GRIA4: variants seen among roughly 807,000 people sequenced by gnomAD.
GRIA4 encodes glutamate ionotropic receptor AMPA type subunit 4, also known as glutamate receptor 4.
GRIA4 carries 34 observed loss-of-function variants against 104.0 expected under a neutral mutation model. That is an observed-to-expected ratio of 0.33 (90% CI 0.25 to 0.44). The LOEUF is 0.44. Among genes scored for constraint, GRIA4 ranks in the 20% least tolerant of loss-of-function variants. The pLI is 1.00. For synonymous variants in GRIA4, 386 were observed against 381.9 expected (o/e 1.01, Z -0.13); for missense variants, 750 against 1,096.5 (o/e 0.68, Z 4.46).
At chr11:105,883,412 T>C (rs1286302557) in intron 5 of GRIA4, among the ~76,000 whole-genome samples, 2 of 151,504 alleles carry the variant, frequency 1.3e-5, no homozygotes, top group East Asian at 3.9e-4. Flanking sequence ...TAACTCCTAA[T>C]GCTATCCCTC....
intron 10 of GRIA4, chr11:105,912,210 C>A: frequency 1.0e-6 from 1 of 991,292 alleles, no homozygotes; most frequent in Non-Finnish European, 1.2e-6. Flanking sequence ...GGAATTATAT[C>A]ACTCCATTTC....
chr11:105,843,755 C>T (rs1289413402), intron 4 of GRIA4, among the ~76,000 whole-genome samples: 3 of 152,152 alleles, frequency 2.0e-5, no homozygotes, highest in Admixed American at 1.3e-4. Context: ...TGTGACTCCT[C>T]AGAAGCATAG....
intron 13 of GRIA4, among the ~76,000 whole-genome samples, chr11:105,932,040 G>T (rs1947891540): frequency 6.7e-6 from 1 of 150,332 alleles, no homozygotes; most frequent in Admixed American, 6.6e-5. Context: ...TCTGAATGAG[G>T]TCTTCACTTT....
At chr11:105,642,147 T>G (rs747613796) in intron 3 of GRIA4, among the ~76,000 whole-genome samples, 12 of 152,048 alleles carry the variant, frequency 7.9e-5, no homozygotes, top group Non-Finnish European at 1.2e-4. Flanking sequence ...GTCCCCCAAA[T>G]ACAGTCACAT....
At chr11:105,748,271 G>T (rs1166683552) in intron 3 of GRIA4, among the ~76,000 whole-genome samples, 1 of 152,176 alleles carries the variant, frequency 6.6e-6, no homozygotes, top group East Asian at 1.9e-4. Context: ...TTTTATGTGG[G>T]CCTCATTACG....
At chr11:105,685,333 A>T (rs1481800193) in intron 3 of GRIA4, among the ~76,000 whole-genome samples, 1 of 152,218 alleles carries the variant, frequency 6.6e-6, no homozygotes, top group African/African-American at 2.4e-5. Context: ...CCCGAGCTCT[A>T]ATTTTCAAAA....
chr11:105,690,212 A>G (rs975858666), intron 3 of GRIA4, among the ~76,000 whole-genome samples: 3 of 152,122 alleles, frequency 2.0e-5, no homozygotes, highest in Non-Finnish European at 2.9e-5. Context: ...GAAAGGGAGA[A>G]TTCCTTGATT....
intron 13 of GRIA4, among the ~76,000 whole-genome samples, chr11:105,931,115 T>A (rs1289087999): frequency 6.6e-6 from 1 of 152,114 alleles, no homozygotes; most frequent in Non-Finnish European, 1.5e-5. Context: ...AGAGATGGAA[T>A]GAATGAAGCA....
intron 4 of GRIA4, among the ~76,000 whole-genome samples, chr11:105,815,235 G>A (rs1485374120): frequency 6.6e-6 from 1 of 152,086 alleles, no homozygotes; most frequent in African/African-American, 2.4e-5. Context: ...AAACCGGTAT[G>A]ATGAATCAAT....
At chr11:105,610,676 C>T (rs1025465403) in intron 1 of GRIA4, 6 of 293,104 alleles carry the variant, frequency 2.0e-5, no homozygotes, top group African/African-American at 1.3e-4. Context: ...TGTCTCATCC[C>T]TGCGAGCAGC....
chr11:105,772,342 T>C (rs1000757516), intron 4 of GRIA4, among the ~76,000 whole-genome samples: 1 of 152,168 alleles, frequency 6.6e-6, no homozygotes, highest in African/African-American at 2.4e-5. Context: ...ATATGTTCCA[T>C]AGATTGAGGT....
At chr11:105,919,038 CACAT>C (rs1417979805) in intron 11 of GRIA4, 120 bp downstream of exon 11, 5 of 640,932 alleles carry the variant, frequency 7.8e-6, no homozygotes, top group African/African-American at 7.3e-5. Context: ...TTCCAAGAGG[CACAT>C]ACAGTGTTTA....
chr11:105,631,587 G>T lies in GRIA4; in HGVS notation c.247+19153G>T, dbSNP rs1951037367. On this transcript the variant is annotated intron_variant, in intron 3 of 16. Transcript: ENST00000282499. ...GTGTGTGTTTGCTACCAAGTTATTTGCCCCTGTTAATATGCAGCTTCTTTA... is the reference window on the plus strand; with the variant it reads ...GTGTGTGTTTGCTACCAAGTTATTTTCCCCTGTTAATATGCAGCTTCTTTA... 2.0e-5 allele frequency among the ~76,000 whole-genome samples: 3 copies of T among 152,076 alleles called. No individual in the cohort carries two copies. In the South Asian group the frequency reaches 6.2e-4, roughly 32 times the overall value.
chr11:105,615,239 G>T (rs1950571586), intron 3 of GRIA4, among the ~76,000 whole-genome samples: 1 of 151,840 alleles, frequency 6.6e-6, no homozygotes, highest in South Asian at 2.1e-4. Flanking sequence ...CTTATTTAAT[G>T]CTGGTTCATC....
chr11:105,635,123 C>T (rs888931720), intron 3 of GRIA4, among the ~76,000 whole-genome samples: 1 of 151,936 alleles, frequency 6.6e-6, no homozygotes, highest in Non-Finnish European at 1.5e-5. Context: ...TAAATATTTG[C>T]AATAAAATAT....
chr11:105,745,430 T>A (rs901570972), intron 3 of GRIA4, among the ~76,000 whole-genome samples: 1 of 152,094 alleles, frequency 6.6e-6, no homozygotes, highest in Non-Finnish European at 1.5e-5. Flanking sequence ...AGTTCTTGAG[T>A]TTCCATCCAT....
intron 3 of GRIA4, among the ~76,000 whole-genome samples, chr11:105,731,968 A>G (rs1269342665): frequency 6.6e-6 from 1 of 152,158 alleles, no homozygotes; most frequent in Non-Finnish European, 1.5e-5. Flanking sequence ...TGGCGCATGT[A>G]TACCTATGCA....
At chr11:105,966,352 G>T (rs532857880) in intron 14 of GRIA4, among the ~76,000 whole-genome samples, 57 of 152,320 alleles carry the variant, frequency 3.7e-4, no homozygotes, top group African/African-American at 1.3e-3. Context: ...AGGAAGGGAT[G>T]TTAAGTTTCT....
At chr11:105,638,900 T>G (rs1185784336) in intron 3 of GRIA4, among the ~76,000 whole-genome samples, 1 of 152,174 alleles carries the variant, frequency 6.6e-6, no homozygotes, top group African/African-American at 2.4e-5. Context: ...AACTTTTTTA[T>G]TAGTGAAGTT....
Sources: gnomAD v4.1 joint callset for allele counts (sites outside exome capture counted in the v4.1 genomes callset) on GRCh38, gnomAD v4.1.1 for gene constraint, MANE v1.5 for transcripts, NCBI Gene and HGNC (gene_info 2026-07-23, HGNC 2026-07-21) for gene names.